Variants in ZYG11B observed in about 807,000 individuals in gnomAD.
The protein encoded by ZYG11B is protein zyg-11 homolog B.
In ZYG11B, 36 loss-of-function variants were observed where a neutral mutation model predicts 82.4. The ratio of observed to expected loss-of-function variants is 0.44; its 90% CI spans 0.33 to 0.58. The LOEUF (loss-of-function observed/expected upper bound fraction) is 0.58. ZYG11B is among the 20% of genes least tolerant of loss of function. The probability of loss-of-function intolerance (pLI) is 0.02; values close to 1 mark genes in which losing one functional copy is unlikely to be tolerated. For synonymous variants in ZYG11B, 303 were observed against 312.8 expected, an observed-to-expected ratio of 0.97 and a Z score of 0.33; for missense variants, 552 against 895.6, an observed-to-expected ratio of 0.62 and a Z score of 4.90.
In ZYG11B at chr1:52,821,421, T is replaced by A; in HGVS notation, c.2045-18T>A. The A allele has an allele frequency of 6.6e-7, 1 of 1,513,608 alleles. No individual in the cohort carries two copies. The highest frequency in any genetic ancestry group is 8.9e-7 in the Non-Finnish European group (1 of 1,126,420). The allele number at this position is 1,513,608 out of a possible 1,614,324, so 93.8% of individuals were successfully genotyped here. ...AGCTATTTCTCCTGTTTTGTGTGTG[T>A]TTTTTTTTCTTTTTCAGCTTCAAGG... On this transcript the variant is annotated intron_variant, in intron 13 of 13. Coordinates refer to ENST00000294353, the MANE Select transcript of ZYG11B (RefSeq NM_024646.3).
intron 4 of ZYG11B, among the ~76,000 whole-genome samples, chr1:52,782,511 C>G (rs950654385): frequency 6.6e-6 from 1 of 152,122 alleles, no homozygotes; most frequent in Admixed American, 6.5e-5. Context: ...GCCTCAACCT[C>G]TCGAATGGCT....
chr1:52,798,884 G>A, intron 8 of ZYG11B, among the ~76,000 whole-genome samples: 1 of 152,034 alleles, frequency 6.6e-6, no homozygotes, highest in Non-Finnish European at 1.5e-5. Flanking sequence ...CCTGGCATGA[G>A]GTGTTTGAAT....
chr1:52,777,777 G>A (rs1322522114), intron 3 of ZYG11B, among the ~76,000 whole-genome samples: 2 of 152,122 alleles, frequency 1.3e-5, no homozygotes, highest in African/African-American at 2.4e-5. Context: ...TAGTTACTGA[G>A]TAATATATTT....
At position 52,726,611 on chromosome 1, in the gene ZYG11B, G is replaced by A; in HGVS notation, c.-43G>A. On this transcript the variant is annotated 5_prime_UTR_variant, in exon 1 of 14. Coordinates refer to ENST00000294353, the MANE Select transcript of ZYG11B (RefSeq NM_024646.3). ...CTCCGCGCCGGCTCAGCCTGGGGGCGGGCTCCGGTCCGGCCCGCCGCCGCA... is the reference window on the plus strand; with the variant it reads ...CTCCGCGCCGGCTCAGCCTGGGGGCAGGCTCCGGTCCGGCCCGCCGCCGCA... 7.1e-7 allele frequency: 1 copy of A among 1,404,470 alleles called. No homozygotes were observed. Among genetic ancestry groups the A allele is most frequent in the Non-Finnish European group, 9.2e-7 (1 of 1,086,000 alleles). The allele number at this position is 1,404,470 out of a possible 1,614,324, so 87.0% of individuals were successfully genotyped here. A position where few individuals can be genotyped will look rare whatever the true frequency, so the allele number is the denominator to read the frequency against.
At chr1:52,741,781 C>T (rs1466529539) in intron 1 of ZYG11B, among the ~76,000 whole-genome samples, 1 of 152,010 alleles carries the variant, frequency 6.6e-6, no homozygotes, top group East Asian at 1.9e-4. Context: ...TTAATTCTGG[C>T]AACAATCCTA....
chr1:52,741,863 T>G (rs1644434036), intron 1 of ZYG11B, among the ~76,000 whole-genome samples: 1 of 152,176 alleles, frequency 6.6e-6, no homozygotes. Context: ...AGTACTTTGC[T>G]TAAGGTTATA....
At chr1:52,814,596 C>A (rs955861510) in intron 12 of ZYG11B, among the ~76,000 whole-genome samples, 2 of 152,094 alleles carry the variant, frequency 1.3e-5, no homozygotes, top group Admixed American at 1.3e-4. Context: ...TAGCACATAC[C>A]TGTAGTCCTG....
intron 10 of ZYG11B, among the ~76,000 whole-genome samples, chr1:52,803,735 A>G (rs779276687): frequency 2.0e-5 from 3 of 152,050 alleles, no homozygotes; most frequent in Non-Finnish European, 4.4e-5. Context: ...CAGAGTAGCT[A>G]GGACTATAGG....
intron 1 of ZYG11B, among the ~76,000 whole-genome samples, chr1:52,735,730 G>T (rs942444389): frequency 2.6e-5 from 4 of 152,042 alleles, no homozygotes; most frequent in Non-Finnish European, 4.4e-5. Flanking sequence ...AAGAGATGGG[G>T]TTTCACTATG....
Position 52,823,384 on chromosome 1 carries a change from T to C in ZYG11B, c.*1755T>C, listed in dbSNP as rs1464274839. ...TGACTCAAATAAATATCTAAATAGA[T>C]ATTTAGAATCACTGAAAACCATATT... On this transcript the variant is annotated 3_prime_UTR_variant, in exon 14 of 14. Transcript: ENST00000294353. The C allele has an allele frequency of 6.6e-6, 1 of 152,086 alleles. No homozygotes were observed. Among genetic ancestry groups the C allele is most frequent in the Non-Finnish European group, 1.5e-5 (1 of 68,028 alleles). 9.4% of individuals were successfully genotyped at this position (152,086 alleles called of 1,614,324 possible).
chr1:52,745,864 G>T (rs1644471664), intron 1 of ZYG11B, among the ~76,000 whole-genome samples: 2 of 150,736 alleles, frequency 1.3e-5, no homozygotes, highest in African/African-American at 4.9e-5. Flanking sequence ...GCATCCAGCT[G>T]TTTTTTTTGT....
intron 1 of ZYG11B, among the ~76,000 whole-genome samples, chr1:52,731,716 C>G (rs1323981937): frequency 6.6e-6 from 1 of 151,962 alleles, no homozygotes; most frequent in East Asian, 1.9e-4. Context: ...AAAAATAAAC[C>G]AGGCTAAGAT....
chr1:52,785,923 T>G (rs964076450), intron 5 of ZYG11B, among the ~76,000 whole-genome samples: 2 of 152,172 alleles, frequency 1.3e-5, no homozygotes, highest in Non-Finnish European at 2.9e-5. Context: ...GCTTTGATTT[T>G]CGTGGCCTCT....
chr1:52,799,248 G>A (rs917732946), intron 8 of ZYG11B, among the ~76,000 whole-genome samples: 24 of 152,082 alleles, frequency 1.6e-4, no homozygotes, highest in Non-Finnish European at 2.8e-4. Flanking sequence ...AGCAATCTGG[G>A]AGGCCGAGGC....
At chr1:52,798,747 C>T (rs1645049557) in intron 8 of ZYG11B, among the ~76,000 whole-genome samples, 1 of 152,146 alleles carries the variant, frequency 6.6e-6, no homozygotes, top group Non-Finnish European at 1.5e-5. Flanking sequence ...TGCTTGGTTA[C>T]AATCAGTTGA....
At chr1:52,795,005 A>C (rs1343965271) in intron 6 of ZYG11B, among the ~76,000 whole-genome samples, 1 of 152,178 alleles carries the variant, frequency 6.6e-6, no homozygotes, top group Non-Finnish European at 1.5e-5. Flanking sequence ...ATTCCTGCTC[A>C]GAAGCCTTCT....
intron 1 of ZYG11B, among the ~76,000 whole-genome samples, chr1:52,728,250 A>G (rs1457305536): frequency 6.6e-6 from 1 of 152,180 alleles, no homozygotes; most frequent in Non-Finnish European, 1.5e-5. Context: ...ACTACACAGA[A>G]AGAGTGAGTT....
intron 7 of ZYG11B, 76 bp from the exon 8 acceptor site, chr1:52,796,658 G>A: frequency 8.1e-7 from 1 of 1,235,838 alleles, no homozygotes; most frequent in East Asian, 2.4e-5. Flanking sequence ...CACCTTTGGA[G>A]TGAGGTACAG....
chr1:52,726,857 A>C (rs1644288578), intron 1 of ZYG11B, among the ~76,000 whole-genome samples, 174 bp downstream of exon 1: 1 of 148,056 alleles, frequency 6.8e-6, no homozygotes, highest in Non-Finnish European at 1.5e-5. Context: ...TTCCCCATTC[A>C]CCTGCTTCGG....
Sources: gnomAD v4.1 joint callset for allele counts (sites outside exome capture counted in the v4.1 genomes callset) on GRCh38, gnomAD v4.1.1 for gene constraint, MANE v1.5 for transcripts, NCBI Gene and HGNC (gene_info 2026-07-23, HGNC 2026-07-21) for gene names.